Variants in ATL2 observed in about 807,000 individuals in gnomAD.
ATL2 encodes the protein atlastin GTPase 2.
In ATL2, 31 loss-of-function variants were observed where a neutral mutation model predicts 73.9. The ratio of observed to expected loss-of-function variants is 0.42; its 90% CI spans 0.32 to 0.57. The LOEUF (loss-of-function observed/expected upper bound fraction) is 0.57. Ranked by LOEUF, ATL2 falls within the 20% of genes least tolerant of loss-of-function variation. ATL2 has a pLI of 0.14. For missense variants in ATL2, 738 were observed against 702.6 expected (o/e 1.05, Z -0.57); for synonymous variants, 291 against 237.5 (o/e 1.23, Z -2.07).
At chr2:38,361,850 G>A (rs1375201437) in intron 1 of ATL2, among the ~76,000 whole-genome samples, 1 of 152,168 alleles carries the variant, frequency 6.6e-6, no homozygotes, top group Non-Finnish European at 1.5e-5. Context: ...ATTTCACAGA[G>A]AGGAAATGTG....
chr2:38,370,448 C>CAAAA lies in ATL2; in HGVS notation c.118+6691_118+6694dup, dbSNP rs55964015. Among the ~76,000 whole-genome samples the CAAAA allele has an allele frequency of 6.9e-4, 38 of 55,208 alleles. 1 individual carries two copies. The highest frequency in any genetic ancestry group is 1.9e-3 in the Admixed American group (6 of 3,170). 36.2% of individuals were successfully genotyped at this position (55,208 alleles called of 152,430 possible). A position where few individuals can be genotyped will look rare whatever the true frequency, so the allele number is the denominator to read the frequency against. On this transcript the variant is annotated intron_variant, in intron 1 of 12. Transcript: ENST00000378954. ...TGGGAGACAGAGTGAGACTCTGTCC[C>CAAAA]AAAAAAAAAAAAAAAAAAAAAAAAA...
chr2:38,361,859 T>C (rs1194342596), intron 1 of ATL2, among the ~76,000 whole-genome samples: 2 of 152,218 alleles, frequency 1.3e-5, no homozygotes, highest in East Asian at 1.9e-4. Context: ...AGAGGAAATG[T>C]GGATCTTCGA....
At chr2:38,354,163 C>T (rs760238880) in intron 1 of ATL2, 10 of 421,182 alleles carry the variant, frequency 2.4e-5, no homozygotes, top group South Asian at 4.9e-5. Flanking sequence ...TCCAACCTGG[C>T]GACAGAGCAA....
intron 2 of ATL2, among the ~76,000 whole-genome samples, chr2:38,334,005 A>C (rs934615595): frequency 6.6e-6 from 1 of 151,346 alleles, no homozygotes; most frequent in African/African-American, 2.4e-5. Context: ...AAGATAGTCC[A>C]CATAACCTCT....
At chr2:38,374,427 C>T (rs1671851733) in intron 1 of ATL2, among the ~76,000 whole-genome samples, 1 of 152,134 alleles carries the variant, frequency 6.6e-6, no homozygotes, top group Admixed American at 6.6e-5. Flanking sequence ...ATCAGAATAC[C>T]ATTACACGTT....
intron 2 of ATL2, among the ~76,000 whole-genome samples, chr2:38,331,791 C>CA (rs1669012752): frequency 6.6e-6 from 1 of 151,344 alleles, no homozygotes; most frequent in Non-Finnish European, 1.5e-5. Flanking sequence ...GATACATAAC[C>CA]AAAAAATGAA....
intron 1 of ATL2, among the ~76,000 whole-genome samples, chr2:38,352,310 C>G (rs941897095): frequency 2.0e-5 from 3 of 152,050 alleles, no homozygotes; most frequent in African/African-American, 7.2e-5. Context: ...CAGACTGGCC[C>G]TCGACCGTGG....
chr2:38,341,861 A>G (rs1442173344), intron 2 of ATL2, among the ~76,000 whole-genome samples: 12 of 152,168 alleles, frequency 7.9e-5, no homozygotes, highest in Admixed American at 7.9e-4. Flanking sequence ...GAGAATGCAC[A>G]CCCAATTACA....
At chr2:38,341,959 T>A (rs1669745354) in intron 2 of ATL2, among the ~76,000 whole-genome samples, 1 of 152,238 alleles carries the variant, frequency 6.6e-6, no homozygotes, top group South Asian at 2.1e-4. Flanking sequence ...TAATAATTCA[T>A]GTGGCTTCTG....
intron 9 of ATL2, among the ~76,000 whole-genome samples, chr2:38,308,097 C>A (rs1292317739): frequency 1.3e-5 from 2 of 152,162 alleles, no homozygotes; most frequent in Non-Finnish European, 2.9e-5. Context: ...AGCAATGCTG[C>A]TGCTAGGTAT....
chr2:38,365,734 G>C (rs766928315), intron 1 of ATL2, among the ~76,000 whole-genome samples: 55 of 152,110 alleles, frequency 3.6e-4, no homozygotes, highest in Non-Finnish European at 1.6e-4. Context: ...TGGAAGCAGA[G>C]GTTGTAGTGA....
intron 1 of ATL2, among the ~76,000 whole-genome samples, chr2:38,364,644 C>CT (rs1444384020): frequency 6.6e-6 from 1 of 152,206 alleles, no homozygotes; most frequent in African/African-American, 2.4e-5. Flanking sequence ...TACAATGACT[C>CT]TAAGAGCTCC....
At chr2:38,296,173 T>C (rs1666883640) in intron 12 of ATL2, 60 bp from the exon 13 acceptor site, 10 of 1,473,772 alleles carry the variant, frequency 6.8e-6, no homozygotes, top group East Asian at 2.5e-5. Flanking sequence ...GAGTTACATA[T>C]AAAAATAGAT....
At chr2:38,310,594 G>T in intron 7 of ATL2, 147 bp from the exon 8 acceptor site, 8 of 425,590 alleles carry the variant, frequency 1.9e-5, no homozygotes, top group Non-Finnish European at 2.3e-5. Flanking sequence ...AAAAAATTAT[G>T]AAGGCCCATT....
chr2:38,296,291 CA>C (rs1340248823), intron 12 of ATL2, 178 bp from the exon 13 acceptor site: 1 of 1,439,116 alleles, frequency 6.9e-7, no homozygotes, highest in Non-Finnish European at 9.1e-7. Context: ...TATAATGCAA[CA>C]AAAATTACTT....
chr2:38,348,383 T>C (rs1156519156), intron 1 of ATL2, among the ~76,000 whole-genome samples: 1 of 151,786 alleles, frequency 6.6e-6, no homozygotes, highest in African/African-American at 2.4e-5. Context: ...GGAGAATTGC[T>C]TGAACCCAGG....
chr2:38,329,443 A>AAAAAAAAAAAAAAAAAAAAAAAC (rs1668857927), intron 2 of ATL2, among the ~76,000 whole-genome samples: 1 of 148,830 alleles, frequency 6.7e-6, no homozygotes, highest in Admixed American at 6.7e-5. Flanking sequence ...AAAAAAAAAA[A>AAAAAAAAAAAAAAAAAAAAAAAC]AAAAAAAAGA....
At chr2:38,333,632 C>G (rs759835158) in intron 2 of ATL2, among the ~76,000 whole-genome samples, 1 of 152,136 alleles carries the variant, frequency 6.6e-6, no homozygotes, top group Admixed American at 6.6e-5. Flanking sequence ...TATGTTCTCT[C>G]AAATCCAAAA....
At chr2:38,347,674 T>G (rs909437738) in intron 1 of ATL2, among the ~76,000 whole-genome samples, 1 of 152,120 alleles carries the variant, frequency 6.6e-6, no homozygotes, top group African/African-American at 2.4e-5. Context: ...CCTACAACAG[T>G]GCCTGACACC....
Sources: allele counts gnomAD v4.1 joint callset (sites outside exome capture counted in the v4.1 genomes callset), GRCh38; gene constraint gnomAD v4.1.1; transcripts MANE v1.5; gene names NCBI Gene and HGNC (gene_info 2026-07-23, HGNC 2026-07-21).